The following MYH6 variants were observed in gnomAD, a reference collection of about 807,000 sequenced individuals.
MYH6 encodes the protein myosin heavy chain 6.
A neutral mutation model predicts 223.2 loss-of-function variants in MYH6; 126 were observed. The ratio of observed to expected loss-of-function variants is 0.56; its 90% CI spans 0.49 to 0.65. The LOEUF is 0.65. Ranked by LOEUF, MYH6 falls within the 30% of genes least tolerant of loss-of-function variation. The probability of loss-of-function intolerance (pLI) is 0.00; values close to 1 mark genes in which losing one functional copy is unlikely to be tolerated. For missense variants in MYH6, 2,040 were observed against 2,536.4 expected (o/e 0.80, Z 4.20); for synonymous variants, 978 against 1,010.2 (o/e 0.97, Z 0.61).
chr14:23,388,170 C>T lies in MYH6; in HGVS notation c.4344G>A (p.Gln1448=), dbSNP rs891534736. The T allele has an allele frequency of 6.2e-7, 1 of 1,612,354 alleles. No homozygotes were observed. The change falls in exon 30 of 39, where the codon CAG becomes CAA. Residue 1448 remains glutamine, a synonymous_variant. Coordinates refer to ENST00000405093, the MANE Select transcript of MYH6 (RefSeq NM_002471.4). ...NAAAAALDKK[Q]RNFDKILAEW... ...CATGGTCCACCTTGTCAAAGTTTCTCTGCTTCTTGTCCAGGGCTGCAGCAG... is the reference window on the plus strand; with the variant it reads ...CATGGTCCACCTTGTCAAAGTTTCTTTGCTTCTTGTCCAGGGCTGCAGCAG...
chr14:23,384,001 T>C (rs972615090), intron 36 of MYH6, among the ~76,000 whole-genome samples: 1 of 152,128 alleles, frequency 6.6e-6, no homozygotes, highest in African/African-American at 2.4e-5. Flanking sequence ...GGCACAGCTC[T>C]CAGCTATGCA....
rs756793094 is a variant in MYH6, at chr14:23,381,989, T to C, written c.*51A>G. ...AGGACAGATGGGCTCAGGCAGAGTT[T>C]GGCACTCATATTTATTACAGGTTGG... On this transcript the variant is annotated 3_prime_UTR_variant, in exon 39 of 39. Coordinates refer to ENST00000405093, the MANE Select transcript of MYH6 (RefSeq NM_002471.4). 6.2e-7 allele frequency: 1 copy of C among 1,614,086 alleles called. No homozygotes were observed. The highest frequency in any genetic ancestry group is 8.5e-7 in the Non-Finnish European group (1 of 1,179,962).
intron 32 of MYH6, 96 bp from the exon 33 acceptor site, chr14:23,386,719 C>G: frequency 7.0e-7 from 1 of 1,433,716 alleles, no homozygotes. Context: ...GACTATCGCC[C>G]AGAGAAGAAG....
Position 23,384,779 on chromosome 14 carries a change from A to G in MYH6, c.5290-62T>C. ...AGGGGCCGGGGCCTTTTGCCCCCCAAGGATCTCCTTTCTCCCATCAGGCCC... is the reference window on the plus strand; with the variant it reads ...AGGGGCCGGGGCCTTTTGCCCCCCAGGGATCTCCTTTCTCCCATCAGGCCC... On this transcript the variant is annotated intron_variant, in intron 35 of 38. Coordinates refer to ENST00000405093, the MANE Select transcript of MYH6 (RefSeq NM_002471.4). 4.3e-6 allele frequency: 7 copies of G among 1,613,842 alleles called. 1 individual carries two copies. In the South Asian group the frequency reaches 4.4e-5, roughly 10 times the overall value.
At chr14:23,403,628 A>G in intron 9 of MYH6, 87 bp downstream of exon 9, 2 of 1,323,316 alleles carry the variant, frequency 1.5e-6, no homozygotes, top group African/African-American at 1.5e-5. Flanking sequence ...AAAACAGGAG[A>G]TGGCAGGAAT....
chr14:23,400,765 G>C lies in MYH6; in HGVS notation c.1354C>G (p.Gln452Glu), dbSNP rs1891575131. 2 of 1,614,228 alleles carry C rather than the reference G, an allele frequency of 1.2e-6. No homozygotes were observed. The highest frequency in any genetic ancestry group is 1.7e-6 in the Non-Finnish European group (2 of 1,180,050). Residue 452 changes from glutamine (Q) to glutamate (E), a missense_variant, in exon 13 of 39, where the codon CAG becomes GAG. Around this residue, in one of 4 missense-constraint regions of MYH6, gnomAD observed 649 missense variants for 877.3 expected, o/e 0.74. Transcript: ENST00000405093. Reference sequence around the variant, plus strand: ...ACTCCTATGAAGTACTGGCGTGGCTGCTTGGTCTCCAGGGTGGCGTTGATG... The same window carrying C: ...ACTCCTATGAAGTACTGGCGTGGCTCCTTGGTCTCCAGGGTGGCGTTGATG... ...TRINATLETKQPRQYFIGVLD... is the reference protein window; with the variant it reads ...TRINATLETKEPRQYFIGVLD...
At chr14:23,383,662 A>T (rs1486424572) in intron 36 of MYH6, among the ~76,000 whole-genome samples, 1 of 152,210 alleles carries the variant, frequency 6.6e-6, no homozygotes, top group Non-Finnish European at 1.5e-5. Flanking sequence ...CTGGACTTAC[A>T]TAGGTTCTCT....
rs760780588 is a variant in MYH6 at position 23,388,344 on chromosome 14, C to A, written c.4176-6G>T. 67 of 1,612,468 alleles carry A rather than the reference C, an allele frequency of 4.2e-5. No homozygotes were observed. Among genetic ancestry groups the A allele is most frequent in the Non-Finnish European group, 5.1e-5 (60 of 1,180,006 alleles). On this transcript the variant is annotated splice_polypyrimidine_tract_variant and splice_region_variant and intron_variant, in intron 29 of 38. Transcript: ENST00000405093. ...GCCGCTGGGCCAGCTTCTTTCTGCC[C>A]AGGTGAGGGTGGAGGGTGTGTGTGT...
rs1263664642 is a variant in MYH6 at position 23,407,289 on chromosome 14, C to T, written c.-13-53G>A. ...ACTCCTGAGGGAGCCCAGGCTCCAGCGAGTGGCTTTGTCCTCTGCAGCCCC... is the reference window on the plus strand; with the variant it reads ...ACTCCTGAGGGAGCCCAGGCTCCAGTGAGTGGCTTTGTCCTCTGCAGCCCC... On this transcript the variant is annotated intron_variant, in intron 2 of 38. Coordinates refer to ENST00000405093, the MANE Select transcript of MYH6 (RefSeq NM_002471.4). This position sits in a 1 kb window ranked among gnomAD's most constrained non-coding sequence, Gnocchi z 5.6. The T allele has an allele frequency of 1.4e-5, 22 of 1,601,678 alleles. No individual in the cohort carries two copies. Among genetic ancestry groups the T allele is most frequent in the African/African-American group, 4.0e-5 (3 of 74,722 alleles).
At position 23,405,832 on chromosome 14, in the gene MYH6, A is replaced by C; in HGVS notation, c.202-62T>G. ...CAATCCCTCCGGGACCCTTGCCAGC[A>C]CTGCCCACTGACCTCCTCCCAGGAC... On this transcript the variant is annotated intron_variant, in intron 3 of 38. Transcript: ENST00000405093. The surrounding 1 kb of genome is among the most constrained non-coding windows in gnomAD (Gnocchi z 4.7). 6.2e-7 allele frequency: 1 copy of C among 1,607,790 alleles called. No homozygotes were observed. The highest frequency in any genetic ancestry group is 8.5e-7 in the Non-Finnish European group (1 of 1,174,542).
rs1891831441 is a variant in MYH6 at position 23,407,665 on chromosome 14, A to C, written c.-46-57T>G. 9.2e-7 allele frequency: 1 copy of C among 1,085,552 alleles called. No individual in the cohort carries two copies. Among genetic ancestry groups the C allele is most frequent in the African/African-American group, 1.6e-5 (1 of 60,658 alleles). 67.2% of individuals were successfully genotyped at this position (1,085,552 alleles called of 1,614,324 possible). ...GGTAGAGCCGGGCAGAGAGAAGAACAGATGAGGAGAGTGAAGAACAACAGA... is the reference window on the plus strand; with the variant it reads ...GGTAGAGCCGGGCAGAGAGAAGAACCGATGAGGAGAGTGAAGAACAACAGA... On this transcript the variant is annotated intron_variant, in intron 1 of 38. Transcript: ENST00000405093. The surrounding 1 kb of genome is among the most constrained non-coding windows in gnomAD (Gnocchi z 5.6).
chr14:23,405,889 A>C lies in MYH6; in HGVS notation c.202-119T>G, dbSNP rs1891771300. 1.5e-6 allele frequency: 2 copies of C among 1,313,386 alleles called. No homozygotes were observed. The highest frequency in any genetic ancestry group is 2.2e-6 in the Non-Finnish European group (2 of 916,152). 81.4% of individuals were successfully genotyped at this position (1,313,386 alleles called of 1,614,324 possible). ...ACTTGGCCTTGCTCCCCTTGCTCTG[A>C]CCAGTGCCCCGGCCCCTACCCCGAT... On this transcript the variant is annotated intron_variant, in intron 3 of 38. Transcript: ENST00000405093. This position sits in a 1 kb window ranked among gnomAD's most constrained non-coding sequence, Gnocchi z 4.7.
chr14:23,389,072 G>GCCCC lies in MYH6; in HGVS notation c.3979-18_3979-17insGGGG. 66 of 1,134,288 alleles carry GCCCC rather than the reference G, an allele frequency of 5.8e-5. No homozygotes were observed. Among genetic ancestry groups the GCCCC allele is most frequent in the Non-Finnish European group, 7.4e-5 (57 of 773,324 alleles). The allele number at this position is 1,134,288 out of a possible 1,614,324, so 70.3% of individuals were successfully genotyped here. On this transcript the variant is annotated splice_polypyrimidine_tract_variant and intron_variant, in intron 28 of 38. Coordinates refer to ENST00000405093, the MANE Select transcript of MYH6 (RefSeq NM_002471.4). ...GTTCTTCGCCTGGGGAGGGGGGGGG[G>GCCCC]CACCAGGAGGTGGGAGGGACTCCCT...
At chr14:23,393,562 G>A in intron 22 of MYH6, 44 bp from the exon 23 acceptor site, 1 of 1,613,946 alleles carries the variant, frequency 6.2e-7, no homozygotes, top group Non-Finnish European at 8.5e-7. Flanking sequence ...AAGATCACCA[G>A]CCTGGAGACA....
In MYH6 at chr14:23,388,490, T is replaced by C. The variant is rs116990990; in HGVS notation, c.4176-152A>G. 8.9e-4 allele frequency: 1,167 copies of C among 1,304,884 alleles called. 9 individuals are homozygous for C. In the East Asian group the frequency reaches 0.013, roughly 15 times the overall value. The allele number at this position is 1,304,884 out of a possible 1,614,324, so 80.8% of individuals were successfully genotyped here. The stretch of plus-strand genomic sequence containing the variant: ...GAGCCTGCTCATGCCTGGAACAGAG[T>C]CCGCCAGCACGGGCTGCCCAGGCGT... On this transcript the variant is annotated intron_variant, in intron 29 of 38. Coordinates refer to ENST00000405093, the MANE Select transcript of MYH6 (RefSeq NM_002471.4).
At chr14:23,398,042 G>C (rs1033545054) in intron 15 of MYH6, among the ~76,000 whole-genome samples, 3 of 125,856 alleles carry the variant, frequency 2.4e-5, no homozygotes, top group African/African-American at 8.8e-5. Flanking sequence ...TTTTGAGATG[G>C]AATCTCACTC....
rs1243759725 is a variant in MYH6 at position 23,387,929 on chromosome 14, CG to C, written c.4360-7del. 8.1e-6 allele frequency: 13 copies of C among 1,613,152 alleles called. No individual in the cohort carries two copies. The highest frequency in any genetic ancestry group is 1.0e-5 in the Non-Finnish European group (12 of 1,180,014). On this transcript the variant is annotated splice_polypyrimidine_tract_variant and splice_region_variant and intron_variant, in intron 30 of 38. Coordinates refer to ENST00000405093, the MANE Select transcript of MYH6 (RefSeq NM_002471.4). ...TGCTTCCACTCGGCCAGGATCTGCC[CG>C]GGGACAAGGCTCACTCTTCAGCCCC...
In MYH6 at chr14:23,383,296, G is replaced by T. The variant is rs1045668939; in HGVS notation, c.5590C>A (p.Leu1864Met). 2 of 1,227,510 alleles carry T rather than the reference G, an allele frequency of 1.6e-6. No homozygotes were observed. Among genetic ancestry groups the T allele is most frequent in the Non-Finnish European group, 2.2e-6 (2 of 905,488 alleles). 76.0% of individuals were successfully genotyped at this position (1,227,510 alleles called of 1,614,324 possible). A position where few individuals can be genotyped will look rare whatever the true frequency, so the allele number is the denominator to read the frequency against. The part of the protein sequence containing the change: ...YQTEEDKKNL[L>M]RLQDLVDKLQ... ...TTGTCCACCAGGTCCTGTAGCCGCA[G>T]CAGGTTCTTTTTGTCTTCCTCTGTC... The change falls in exon 37 of 39, where the codon CTG (leucine) becomes ATG (methionine). Residue 1864 changes from leucine (L) to methionine (M), a missense_variant. Leu to Met is a conservative substitution (Grantham distance 15). This residue lies in a region of MYH6 where 1,203 missense variants were observed against 1,400.2 expected (regional missense o/e 0.86). Transcript: ENST00000405093.
At chr14:23,392,001 C>A (rs538247909) in intron 25 of MYH6, among the ~76,000 whole-genome samples, 1 of 152,288 alleles carries the variant, frequency 6.6e-6, no homozygotes, top group African/African-American at 2.4e-5. Flanking sequence ...ATTATCCCCT[C>A]TGGTCCTGTG....
Sources: gnomAD v4.1 joint callset for allele counts (sites outside exome capture counted in the v4.1 genomes callset) on GRCh38, gnomAD v4.1.1 for gene constraint, gnomAD v4.1.1 regional missense constraint, Gnocchi (gnomAD v3.1) non-coding constraint, MANE v1.5 for transcripts, NCBI Gene and HGNC (gene_info 2026-07-23, HGNC 2026-07-21) for gene names.